The following ZNF177 variants were observed in gnomAD, a reference collection of about 807,000 sequenced individuals.
ZNF177 encodes the protein zinc finger protein 177.
In ZNF177, 17 loss-of-function variants were observed where a neutral mutation model predicts 19.4. That is an observed-to-expected ratio of 0.87 (90% confidence interval 0.60 to 1.31). ZNF177 has a LOEUF of 1.31. ZNF177 is among the 40% of genes most tolerant of loss of function. The pLI is 0.00. For synonymous variants in ZNF177, 220 were observed against 188.7 expected, an observed-to-expected ratio of 1.17 and a Z score of -1.36; for missense variants, 633 against 561.8, an observed-to-expected ratio of 1.13 and a Z score of -1.28.
In ZNF177 at chr19:9,379,059, T is replaced by C. The variant is rs755535251; in HGVS notation, c.131T>C (p.Leu44Pro). The change falls in exon 3 of 6, where the codon CTG becomes CCG. Residue 44 changes from leucine (L) to proline (P), a missense_variant. Physicochemically the swap from Leu to Pro is moderately conservative, Grantham distance 98. Transcript: ENST00000589262. ...AAAAATCTATACAAAGATGTGATGC[T>C]GGAGAACTTTAGGAACCTGGCCTCA... is the stretch of plus-strand genomic sequence containing the variant. 3 of 1,609,568 alleles carry C rather than the reference T, an allele frequency of 1.9e-6. No individual in the cohort carries two copies. The South Asian group carries it at 3.3e-5, about 18-fold the overall frequency.
chr19:9,364,582 C>T (rs2122472842), intron 1 of ZNF177, among the ~76,000 whole-genome samples: 2 of 152,266 alleles, frequency 1.3e-5, no homozygotes, highest in Middle Eastern at 6.8e-3. Context: ...AACTAGTGTG[C>T]ATGTGCCTGT....
intron 2 of ZNF177, among the ~76,000 whole-genome samples, chr19:9,369,480 GTGT>G (rs4045397): frequency 0.02 from 3,064 of 152,106 alleles, 43 homozygotes; most frequent in Admixed American, 0.035. Flanking sequence ...CAATTTTTAT[GTGT>G]TGTTGTGGAT....
intron 1 of ZNF177, among the ~76,000 whole-genome samples, 185 bp from the exon 4 acceptor site, chr19:9,378,074 G>GA (rs1384112742): frequency 6.6e-6 from 1 of 152,064 alleles, no homozygotes; most frequent in Admixed American, 6.6e-5. Context: ...AAAAGTCCAA[G>GA]AAAAAATGAA....
At chr19:9,378,538 A>G (rs1314108548) in intron 2 of ZNF177, 194 bp downstream of exon 4, 2 of 880,466 alleles carry the variant, frequency 2.3e-6, no homozygotes, top group Non-Finnish European at 3.4e-6. Flanking sequence ...TTCTCCAGAT[A>G]TTCTTCCATA....
At chr19:9,369,013 C>T (rs2068014457) in intron 2 of ZNF177, among the ~76,000 whole-genome samples, 1 of 151,826 alleles carries the variant, frequency 6.6e-6, no homozygotes. Flanking sequence ...TTTAAGGGGC[C>T]CATGAGATGT....
rs1568384676 is a variant in ZNF177 at position 9,379,658 on chromosome 19, G to GAGGGTT, written c.253+42_253+47dup. 7 of 1,604,210 alleles carry GAGGGTT rather than the reference G, an allele frequency of 4.4e-6. No individual in the cohort carries two copies. The Middle Eastern group carries it at 1.0e-3, about 230-fold the overall frequency. On this transcript the variant is annotated intron_variant, in intron 4 of 5. Coordinates refer to ENST00000589262, the Ensembl canonical transcript of ZNF177. ...AGAACAGGGTGCAGCCTTGGCCAGT[G>GAGGGTT]AGGGTTAGTACATTTGGGAATGTCA...
downstream of ZNF177, chr19:9,382,332 T>C (rs1165575341): frequency 5.0e-6 from 2 of 398,986 alleles, no homozygotes; most frequent in Non-Finnish European, 8.8e-6. Context: ...GAATATCTCA[T>C]CTGGTGTTTT....
At chr19:9,368,560 G>A (rs961412789) in intron 2 of ZNF177, among the ~76,000 whole-genome samples, 1 of 151,968 alleles carries the variant, frequency 6.6e-6, no homozygotes, top group Non-Finnish European at 1.5e-5. Flanking sequence ...GTTCATCATC[G>A]TATTTTCTGC....
intron 2 of ZNF177, among the ~76,000 whole-genome samples, chr19:9,366,331 G>T (rs537788756): frequency 6.6e-6 from 1 of 152,156 alleles, no homozygotes; most frequent in South Asian, 2.1e-4. Flanking sequence ...CCAGGCTGGA[G>T]TGCCGTGGTG....
At chr19:9,374,877 T>C (rs1453996354), upstream of ZNF177, among the ~76,000 whole-genome samples, 1 of 152,154 alleles carries the variant, frequency 6.6e-6, no homozygotes, top group African/African-American at 2.4e-5. Context: ...ACTTCAGTTG[T>C]ATGTTGAATA....
Position 9,380,652 on chromosome 19 carries a change from AC to A in ZNF177, c.337-15del. The A allele has an allele frequency of 6.5e-7, 1 of 1,535,726 alleles. No homozygotes were observed. Among genetic ancestry groups the A allele is most frequent in the Non-Finnish European group, 8.7e-7 (1 of 1,146,794 alleles). ...GTGAAAAAGCCTCTAGTCACCACTT[AC>A]TCCCTTTTCAACAGGCAGAAAATCA... On this transcript the variant is annotated splice_polypyrimidine_tract_variant and intron_variant, in intron 5 of 5. Coordinates refer to ENST00000589262, the Ensembl canonical transcript of ZNF177.
intron 3 of ZNF177, 35 bp from the exon 6 acceptor site, chr19:9,379,492 C>T (rs1464135046): frequency 1.9e-6 from 3 of 1,601,262 alleles, no homozygotes; most frequent in East Asian, 2.2e-5. Context: ...AATTCTCACA[C>T]ATTTCTCCCA....
exon 6 of ZNF177, chr19:9,381,886 C>A: frequency 6.8e-7 from 1 of 1,465,874 alleles, no homozygotes; most frequent in African/African-American, 1.4e-5. Flanking sequence ...TCTGGCCCAA[C>A]TCTGGATGCC....
intron 3 of ZNF177, 161 bp downstream of exon 5, chr19:9,379,249 C>A: frequency 8.0e-7 from 1 of 1,242,928 alleles, no homozygotes; most frequent in Non-Finnish European, 1.1e-6. Flanking sequence ...CATGAAAATG[C>A]ACTGATTTCA....
upstream of ZNF177, among the ~76,000 whole-genome samples, chr19:9,374,898 G>C (rs2068090923): frequency 6.6e-6 from 1 of 152,074 alleles, no homozygotes; most frequent in Non-Finnish European, 1.5e-5. Flanking sequence ...GAAGTGGTGA[G>C]GATGGGCATC....
At chr19:9,378,181 TAAG>T (rs1015126326) in intron 1 of ZNF177, 75 bp from the exon 4 acceptor site, 4 of 1,372,168 alleles carry the variant, frequency 2.9e-6, no homozygotes, top group East Asian at 2.6e-5. Context: ...TACCCTTTAG[TAAG>T]AAGAAGCTTC....
chr19:9,367,529 T>G (rs2067996684), intron 2 of ZNF177, among the ~76,000 whole-genome samples: 1 of 152,218 alleles, frequency 6.6e-6, no homozygotes, highest in Non-Finnish European at 1.5e-5. Flanking sequence ...AAACCTAACT[T>G]AATTCTGTTG....
intron 5 of ZNF177, 172 bp from the exon 8 acceptor site, chr19:9,380,496 C>G (rs929323659): frequency 7.5e-7 from 1 of 1,327,214 alleles, no homozygotes; most frequent in South Asian, 1.4e-5. Flanking sequence ...TGAGCTTATT[C>G]AACTCGAAAA....
At chr19:9,376,659 G>A (rs981128300) in intron 1 of ZNF177, among the ~76,000 whole-genome samples, 1 of 152,082 alleles carries the variant, frequency 6.6e-6, no homozygotes, top group Non-Finnish European at 1.5e-5. Flanking sequence ...AGCTTTGATT[G>A]CATACAAACA....
Sources: gnomAD v4.1 joint callset for allele counts (sites outside exome capture counted in the v4.1 genomes callset) on GRCh38, gnomAD v4.1.1 for gene constraint, MANE v1.5 for transcripts, NCBI Gene and HGNC (gene_info 2026-07-23, HGNC 2026-07-21) for gene names.